The following VPS13B variants were observed in gnomAD, a reference collection of about 807,000 sequenced individuals.
The protein encoded by VPS13B is vacuolar protein sorting 13 homolog B.
VPS13B carries 285 observed loss-of-function variants against 426.4 expected under a neutral mutation model. The observed-to-expected ratio is 0.67, with a 90% CI of 0.61 to 0.74. The LOEUF (loss-of-function observed/expected upper bound fraction) is 0.74, where lower values mean the gene tolerates loss of function less well. VPS13B is among the 30% of genes least tolerant of loss of function. VPS13B has a pLI of 0.00. For missense variants in VPS13B, 4,537 were observed against 4,782.6 expected (o/e 0.95, Z 1.51); for synonymous variants, 1,676 against 1,676.4 (o/e 1.00, Z 0.01).
At chr8:99,384,736 C>T (rs879441487) in intron 20 of VPS13B, among the ~76,000 whole-genome samples, 4 of 152,230 alleles carry the variant, frequency 2.6e-5, no homozygotes, top group Non-Finnish European at 5.9e-5. Flanking sequence ...TCTCGGCCCA[C>T]TCCCTGGTTC....
chr8:99,405,253 C>G (rs1466126075), intron 21 of VPS13B, among the ~76,000 whole-genome samples: 1 of 151,996 alleles, frequency 6.6e-6, no homozygotes, highest in Non-Finnish European at 1.5e-5. Flanking sequence ...ATGGGGTGCT[C>G]AAGCCTAACA....
chr8:99,096,423 T>A lies in VPS13B; in HGVS notation c.403T>A (p.Leu135Ile), dbSNP rs1465221442. The A allele has an allele frequency of 1.2e-6, 2 of 1,614,040 alleles. No individual in the cohort carries two copies. The highest frequency in any genetic ancestry group is 2.7e-5 in the African/African-American group (2 of 75,048). Reference protein sequence around the residue: ...MQQAAPTDPDLPPGYVQSLIR... With the variant: ...MQQAAPTDPDIPPGYVQSLIR... ...GCAGGCTGCTCCTACAGATCCTGAC[T>A]TACCACCAGGTAACTTCTAATGGGA... The change falls in exon 4 of 62, where the codon TTA (leucine) becomes ATA (isoleucine). Residue 135 changes from leucine to isoleucine, a missense_variant. Transcript: ENST00000357162.
At chr8:99,464,158 C>A (rs893512945) in intron 23 of VPS13B, among the ~76,000 whole-genome samples, 4 of 152,082 alleles carry the variant, frequency 2.6e-5, no homozygotes. Flanking sequence ...GAAATACAGA[C>A]CTGCCTGAGT....
At chr8:99,141,894 A>C (rs1422865063) in intron 12 of VPS13B, among the ~76,000 whole-genome samples, 2 of 151,100 alleles carry the variant, frequency 1.3e-5, no homozygotes, top group African/African-American at 2.4e-5. Context: ...AAAAAAAAAA[A>C]AAAACAAAAT....
At chr8:99,256,354 T>C (rs1396186653) in intron 17 of VPS13B, among the ~76,000 whole-genome samples, 1 of 152,234 alleles carries the variant, frequency 6.6e-6, no homozygotes, top group Non-Finnish European at 1.5e-5. Flanking sequence ...AGTGAAACTA[T>C]GAACACAGGT....
At chr8:99,386,215 C>T (rs1333819042) in intron 20 of VPS13B, among the ~76,000 whole-genome samples, 1 of 152,122 alleles carries the variant, frequency 6.6e-6, no homozygotes, top group Non-Finnish European at 1.5e-5. Flanking sequence ...GTTCTAGCAG[C>T]TTAAGTAAAT....
intron 35 of VPS13B, among the ~76,000 whole-genome samples, chr8:99,687,691 C>T (rs1210537027): frequency 6.6e-6 from 1 of 152,090 alleles, no homozygotes; most frequent in Non-Finnish European, 1.5e-5. Flanking sequence ...CTGTGCCACA[C>T]AGCCACCCTT....
At chr8:99,470,939 G>A (rs1277556471) in intron 24 of VPS13B, among the ~76,000 whole-genome samples, 1 of 151,998 alleles carries the variant, frequency 6.6e-6, no homozygotes, top group Non-Finnish European at 1.5e-5. Flanking sequence ...TTCCATATAA[G>A]CAAATAATGA....
chr8:99,717,402 A>G (rs760803351), intron 37 of VPS13B, 29 bp downstream of exon 37: 6 of 1,586,926 alleles, frequency 3.8e-6, no homozygotes, highest in Non-Finnish European at 5.2e-6. Flanking sequence ...TATTTTTTTC[A>G]TAGGTTATTA....
At chr8:99,093,549 T>C (rs2132422311) in intron 3 of VPS13B, among the ~76,000 whole-genome samples, 1 of 119,712 alleles carries the variant, frequency 8.4e-6, no homozygotes, top group East Asian at 2.5e-4. Context: ...CTCACAACAG[T>C]CCCCAGAGTG....
intron 3 of VPS13B, among the ~76,000 whole-genome samples, chr8:99,088,491 A>G (rs1280640605): frequency 1.3e-5 from 2 of 152,180 alleles, no homozygotes; most frequent in Admixed American, 6.5e-5. Flanking sequence ...CAATGGGAGA[A>G]GGGGAAAAAG....
At position 99,382,048 on chromosome 8, in the gene VPS13B, T is replaced by C; in HGVS notation, c.2825-2160T>C. ...TCCAGTTTCAATTATTTGCTTATGG[T>C]TAGCCAATTCCAGCACCATTTATTG... On this transcript the variant is annotated intron_variant, in intron 19 of 61. Coordinates refer to ENST00000357162, the MANE Select transcript of VPS13B (RefSeq NM_152564.5). Among the ~76,000 whole-genome samples, 3 of 152,212 alleles carry C rather than the reference T, an allele frequency of 2.0e-5. No homozygotes were observed. The Middle Eastern group carries it at 0.01, about 518-fold the overall frequency.
intron 19 of VPS13B, among the ~76,000 whole-genome samples, chr8:99,308,542 G>T (rs1820765314): frequency 6.6e-6 from 1 of 152,110 alleles, no homozygotes; most frequent in Admixed American, 6.5e-5. Flanking sequence ...GGATTCCATG[G>T]TGTATATGTG....
intron 43 of VPS13B, among the ~76,000 whole-genome samples, chr8:99,802,653 A>C (rs1401859606): frequency 6.6e-6 from 1 of 152,124 alleles, no homozygotes; most frequent in Non-Finnish European, 1.5e-5. Context: ...ATAGGTATAC[A>C]TACTTTTTGT....
intron 24 of VPS13B, among the ~76,000 whole-genome samples, chr8:99,468,160 C>T (rs1373301339): frequency 1.3e-5 from 2 of 152,102 alleles, no homozygotes; most frequent in African/African-American, 4.8e-5. Flanking sequence ...CCCCAGCCCA[C>T]GACAGGCCTG....
chr8:99,526,708 A>C (rs1822662192), intron 30 of VPS13B, among the ~76,000 whole-genome samples: 8 of 152,226 alleles, frequency 5.3e-5, no homozygotes, highest in Admixed American at 2.6e-4. Flanking sequence ...TGACTATCTC[A>C]GGAGTTAATG....
At chr8:99,379,401 T>G (rs2133283186) in intron 19 of VPS13B, among the ~76,000 whole-genome samples, 1 of 152,330 alleles carries the variant, frequency 6.6e-6, no homozygotes, top group Admixed American at 6.5e-5. Flanking sequence ...TTTCCTTTTC[T>G]AGCTGTTACT....
At chr8:99,586,355 ATTC>A (rs1826300304) in intron 33 of VPS13B, among the ~76,000 whole-genome samples, 1 of 152,126 alleles carries the variant, frequency 6.6e-6, no homozygotes. Context: ...CCTTCAGAAA[ATTC>A]TTAGACTGGG....
At chr8:99,837,289 C>T (rs1303404561) in intron 54 of VPS13B, among the ~76,000 whole-genome samples, 1 of 152,064 alleles carries the variant, frequency 6.6e-6, no homozygotes, top group East Asian at 1.9e-4. Flanking sequence ...ACAAACTACT[C>T]AGGGGTGTGC....
Sources: gnomAD v4.1 joint callset for allele counts (sites outside exome capture counted in the v4.1 genomes callset) on GRCh38, gnomAD v4.1.1 for gene constraint, MANE v1.5 for transcripts, NCBI Gene and HGNC (gene_info 2026-07-23, HGNC 2026-07-21) for gene names.